CALB2: variants seen among roughly 807,000 people sequenced by gnomAD.
The protein encoded by CALB2 is calretinin.
In CALB2, 34 loss-of-function variants were observed where a neutral mutation model predicts 45.9. The ratio of observed to expected loss-of-function variants is 0.74; its 90% CI spans 0.56 to 0.99. CALB2 has a LOEUF of 0.99. Among genes scored for constraint, CALB2 ranks in the 50% least tolerant of loss-of-function variants. The probability of loss-of-function intolerance (pLI) is 0.00; values close to 1 mark genes in which losing one functional copy is unlikely to be tolerated. For synonymous variants in CALB2, 142 were observed against 129.6 expected (o/e 1.10, Z -0.65); for missense variants, 344 against 339.3 (o/e 1.01, Z -0.11).
chr16:71,380,018 G>A (rs1324945063), intron 4 of CALB2, among the ~76,000 whole-genome samples: 1 of 152,110 alleles, frequency 6.6e-6, no homozygotes, highest in Non-Finnish European at 1.5e-5. Context: ...TAACTTGTCA[G>A]GGTGTTGCTT....
intron 1 of CALB2, among the ~76,000 whole-genome samples, chr16:71,364,939 TCCC>T (rs886501538): frequency 2.6e-5 from 4 of 152,090 alleles, no homozygotes; most frequent in Non-Finnish European, 5.9e-5. Flanking sequence ...TGAATCTCCT[TCCC>T]CCTCCGATTC....
intron 10 of CALB2, among the ~76,000 whole-genome samples, chr16:71,388,342 A>G (rs1404465706): frequency 1.3e-5 from 2 of 149,430 alleles, no homozygotes; most frequent in Non-Finnish European, 3.0e-5. Flanking sequence ...CTCAAAAAAA[A>G]AAAAAAAAAG....
chr16:71,374,613 A>G lies in CALB2; in HGVS notation c.172-132A>G, dbSNP rs147510392. The G allele has an allele frequency of 5.7e-5, 36 of 626,542 alleles. No individual in the cohort carries two copies. In the East Asian group the frequency reaches 1.0e-3, roughly 18 times the overall value. 38.8% of individuals were successfully genotyped at this position (626,542 alleles called of 1,614,324 possible). On this transcript the variant is annotated intron_variant, in intron 2 of 10. Coordinates refer to ENST00000302628, the MANE Select transcript of CALB2 (RefSeq NM_001740.5). ...AAGGAAAACAACACAGCTCTGATCA[A>G]TCAGAGCATCAGCACAACTTGGTTC... is the stretch of plus-strand genomic sequence containing the variant.
intron 3 of CALB2, among the ~76,000 whole-genome samples, chr16:71,376,934 C>G (rs1373973374): frequency 1.3e-5 from 2 of 152,186 alleles, no homozygotes; most frequent in Non-Finnish European, 2.9e-5. Context: ...GTACCCACAG[C>G]AGCCCTTCCC....
At chr16:71,362,477 A>C (rs1177384004) in intron 1 of CALB2, among the ~76,000 whole-genome samples, 1 of 152,248 alleles carries the variant, frequency 6.6e-6, no homozygotes, top group Non-Finnish European at 1.5e-5. Context: ...AAGTTATATG[A>C]ACAAACATGT....
intron 4 of CALB2, among the ~76,000 whole-genome samples, chr16:71,381,011 C>T (rs4788798): frequency 2.5e-4 from 38 of 152,242 alleles, no homozygotes; most frequent in Admixed American, 1.8e-3. Context: ...GGCATCCTGG[C>T]GGGGTGCATG....
rs1417432858 is a variant in CALB2, at chr16:71,384,332, T to TC, written c.534-3dup. 1.2e-6 allele frequency: 2 copies of TC among 1,612,904 alleles called. No homozygotes were observed. Among genetic ancestry groups the TC allele is most frequent in the Non-Finnish European group, 8.5e-7 (1 of 1,179,284 alleles). ...TCCTCATCTCTGCTCTAACATTTTC[T>TC]CCCCAGACTCCTGCCTGTCCAGGAA... On this transcript the variant is annotated splice_polypyrimidine_tract_variant and splice_region_variant and intron_variant, in intron 7 of 10. Transcript: ENST00000302628.
At chr16:71,371,654 G>A (rs926700372) in intron 1 of CALB2, among the ~76,000 whole-genome samples, 6 of 152,046 alleles carry the variant, frequency 3.9e-5, no homozygotes, top group African/African-American at 9.7e-5. Flanking sequence ...CAAGGACACC[G>A]ACCACTGGAT....
At chr16:71,372,790 G>A (rs1188223840) in intron 2 of CALB2, among the ~76,000 whole-genome samples, 1 of 152,222 alleles carries the variant, frequency 6.6e-6, no homozygotes, top group Non-Finnish European at 1.5e-5. Context: ...ATTGCCAAAT[G>A]TCCCCCTGGT....
At chr16:71,367,256 T>C (rs2042297417) in intron 1 of CALB2, among the ~76,000 whole-genome samples, 1 of 152,220 alleles carries the variant, frequency 6.6e-6, no homozygotes, top group Non-Finnish European at 1.5e-5. Context: ...TGTGGTTTGA[T>C]AAGAAGTTAG....
intron 9 of CALB2, 52 bp from the exon 10 acceptor site, chr16:71,385,525 C>T: frequency 6.4e-7 from 1 of 1,551,986 alleles, no homozygotes; most frequent in Non-Finnish European, 8.9e-7. Context: ...TGGGTCGGGA[C>T]AGCAGGGGCC....
At chr16:71,360,786 C>T (rs2042230374) in intron 1 of CALB2, among the ~76,000 whole-genome samples, 1 of 152,194 alleles carries the variant, frequency 6.6e-6, no homozygotes, top group Non-Finnish European at 1.5e-5. Flanking sequence ...ACCATGACTC[C>T]CCTTATACAG....
At chr16:71,364,760 C>A (rs1567534365) in intron 1 of CALB2, among the ~76,000 whole-genome samples, 1 of 152,242 alleles carries the variant, frequency 6.6e-6, no homozygotes, top group South Asian at 2.1e-4. Flanking sequence ...CCCAAACATT[C>A]AGCTGGTGGC....
intron 4 of CALB2, among the ~76,000 whole-genome samples, chr16:71,378,241 A>G (rs1196580655): frequency 6.6e-6 from 1 of 151,830 alleles, no homozygotes; most frequent in African/African-American, 2.4e-5. Context: ...AGAAAGAAAG[A>G]AAGGGAGAAA....
chr16:71,375,990 A>C (rs1282624258), intron 3 of CALB2, among the ~76,000 whole-genome samples: 2 of 152,228 alleles, frequency 1.3e-5, no homozygotes, highest in African/African-American at 4.8e-5. Context: ...GTCTGACTTC[A>C]TAGCAGCTGA....
intron 1 of CALB2, among the ~76,000 whole-genome samples, chr16:71,361,690 G>A (rs770215073): frequency 2.6e-5 from 4 of 152,150 alleles, no homozygotes; most frequent in South Asian, 2.1e-4. Context: ...GAATCCCAAC[G>A]AGAGGGAGGA....
intron 1 of CALB2, among the ~76,000 whole-genome samples, chr16:71,364,223 C>T (rs1026057509): frequency 1.3e-5 from 2 of 152,136 alleles, no homozygotes; most frequent in Non-Finnish European, 2.9e-5. Flanking sequence ...CTGGGGCTCC[C>T]CGGGGGAGCC....
At chr16:71,379,274 T>TAAAC (rs2042456717) in intron 4 of CALB2, among the ~76,000 whole-genome samples, 1 of 39,896 alleles carries the variant, frequency 2.5e-5, no homozygotes, top group Admixed American at 2.4e-4. Context: ...CTCTGTCTAA[T>TAAAC]AAATAAATAA....
intron 1 of CALB2, among the ~76,000 whole-genome samples, chr16:71,362,646 ATTAT>A (rs2042246629): frequency 6.6e-6 from 1 of 152,230 alleles, no homozygotes; most frequent in Admixed American, 6.5e-5. Flanking sequence ...TCCAAGATGT[ATTAT>A]TAAGATATTG....
Sources: gnomAD v4.1 joint callset for allele counts (sites outside exome capture counted in the v4.1 genomes callset) on GRCh38, gnomAD v4.1.1 for gene constraint, MANE v1.5 for transcripts, NCBI Gene and HGNC (gene_info 2026-07-23, HGNC 2026-07-21) for gene names.